Variants in PEBP4 observed in about 807,000 individuals in gnomAD.
PEBP4 encodes phosphatidylethanolamine binding protein 4.
Under a neutral mutation model 23.9 loss-of-function variants are expected in PEBP4, and 22 were observed. The observed-to-expected ratio is 0.92, with a 90% CI of 0.66 to 1.31. PEBP4 has a LOEUF of 1.31. Ranked by LOEUF, PEBP4 falls within the 40% of genes most tolerant of loss-of-function variation. PEBP4 has a pLI of 0.00. For synonymous variants in PEBP4, 112 were observed against 99.3 expected, an observed-to-expected ratio of 1.13 and a Z score of -0.76; for missense variants, 324 against 281.7, an observed-to-expected ratio of 1.15 and a Z score of -1.07.
chr8:22,895,043 C>T (rs1808563992), intron 3 of PEBP4, among the ~76,000 whole-genome samples: 1 of 152,212 alleles, frequency 6.6e-6, no homozygotes, highest in South Asian at 2.1e-4. Flanking sequence ...TAGACTTTCA[C>T]ACCAAAGTAG....
chr8:22,737,315 A>T (rs1425659285), intron 4 of PEBP4, among the ~76,000 whole-genome samples: 2 of 148,130 alleles, frequency 1.4e-5, no homozygotes, highest in Non-Finnish European at 1.5e-5. Flanking sequence ...AAAAAAAAAA[A>T]GCAAATAAAA....
intron 4 of PEBP4, among the ~76,000 whole-genome samples, chr8:22,780,308 T>G (rs1023696534): frequency 1.3e-5 from 2 of 152,168 alleles, no homozygotes; most frequent in African/African-American, 4.8e-5. Context: ...ATACATTCCT[T>G]TCTCACCCAG....
intron 3 of PEBP4, among the ~76,000 whole-genome samples, chr8:22,900,781 C>A (rs1808696150): frequency 1.3e-5 from 2 of 152,148 alleles, no homozygotes; most frequent in African/African-American, 4.8e-5. Flanking sequence ...TTCCTGGCCC[C>A]ACCTGTGAAA....
At chr8:22,815,777 G>A (rs1806728184) in intron 4 of PEBP4, among the ~76,000 whole-genome samples, 1 of 152,230 alleles carries the variant, frequency 6.6e-6, no homozygotes, top group Admixed American at 6.5e-5. Context: ...GGGCTGCTGA[G>A]GCTAAATTCA....
chr8:22,829,292 C>T (rs1001078673), intron 3 of PEBP4, among the ~76,000 whole-genome samples: 1 of 152,146 alleles, frequency 6.6e-6, no homozygotes, highest in African/African-American at 2.4e-5. Context: ...ATATTTTTGG[C>T]TACCAGCTTC....
intron 3 of PEBP4, among the ~76,000 whole-genome samples, chr8:22,855,050 C>A (rs1807616890): frequency 7.0e-6 from 1 of 141,944 alleles, no homozygotes; most frequent in Non-Finnish European, 1.5e-5. Context: ...ACACATGCAC[C>A]CCAGGAAAGA....
At chr8:22,890,256 C>T (rs905459619) in intron 3 of PEBP4, among the ~76,000 whole-genome samples, 1 of 152,220 alleles carries the variant, frequency 6.6e-6, no homozygotes, top group Admixed American at 6.5e-5. Context: ...GAGTCTGAGA[C>T]TTTCACTAAG....
At chr8:22,822,272 T>C (rs528045454) in intron 3 of PEBP4, among the ~76,000 whole-genome samples, 1 of 151,784 alleles carries the variant, frequency 6.6e-6, no homozygotes, top group East Asian at 1.9e-4. Context: ...TTAAATCAGA[T>C]AATGAGAAGA....
chr8:22,736,114 C>T (rs905084019), intron 4 of PEBP4, among the ~76,000 whole-genome samples: 3 of 152,050 alleles, frequency 2.0e-5, no homozygotes, highest in East Asian at 1.9e-4. Flanking sequence ...TCCTGCTTGG[C>T]GAAACTTGCC....
chr8:22,835,777 A>G (rs1244805239), intron 3 of PEBP4, among the ~76,000 whole-genome samples: 1 of 152,210 alleles, frequency 6.6e-6, no homozygotes, highest in African/African-American at 2.4e-5. Context: ...TGTCTCCAAG[A>G]ATGACATTAG....
chr8:22,768,253 CT>C (rs1805648802), intron 4 of PEBP4, among the ~76,000 whole-genome samples: 2 of 152,172 alleles, frequency 1.3e-5, no homozygotes, highest in South Asian at 4.1e-4. Flanking sequence ...CCTCTGCCCC[CT>C]GGTAGATGCC....
At chr8:22,786,205 T>TACA in intron 4 of PEBP4, among the ~76,000 whole-genome samples, 1 of 152,168 alleles carries the variant, frequency 6.6e-6, no homozygotes, top group Non-Finnish European at 1.5e-5. Flanking sequence ...CTCTAATACA[T>TACA]TATGTATTCT....
intron 4 of PEBP4, chr8:22,798,490 T>C (rs1355293951): frequency 6.5e-6 from 1 of 153,436 alleles, no homozygotes; most frequent in African/African-American, 2.4e-5. Flanking sequence ...AAGCCAGTCC[T>C]AAGTTGTTCA....
At chr8:22,787,972 A>G (rs1344473659) in intron 4 of PEBP4, among the ~76,000 whole-genome samples, 1 of 152,056 alleles carries the variant, frequency 6.6e-6, no homozygotes, top group African/African-American at 2.4e-5. Context: ...GGGCCTACAG[A>G]GCGTGCAGGG....
At chr8:22,854,294 G>A (rs4284045) in intron 3 of PEBP4, among the ~76,000 whole-genome samples, 2 of 152,156 alleles carry the variant, frequency 1.3e-5, no homozygotes, top group African/African-American at 4.8e-5. Context: ...CCCTACATCT[G>A]CCAGGACAAA....
intron 3 of PEBP4, chr8:22,884,241 C>T (rs760248316): frequency 7.9e-5 from 12 of 152,124 alleles, no homozygotes; most frequent in South Asian, 2.1e-4. Context: ...GGTTCTACCA[C>T]CTAGTTAGAA....
intron 3 of PEBP4, among the ~76,000 whole-genome samples, chr8:22,912,560 T>C (rs1808961725): frequency 6.6e-6 from 1 of 152,234 alleles, no homozygotes. Flanking sequence ...TTCCCAGGTT[T>C]GGCAAGTGTG....
chr8:22,834,495 C>T (rs1045304170), intron 3 of PEBP4, among the ~76,000 whole-genome samples: 1 of 152,228 alleles, frequency 6.6e-6, no homozygotes, highest in Non-Finnish European at 1.5e-5. Flanking sequence ...CTGGGGTTCA[C>T]AGCATGCTCT....
chr8:22,762,138 A>G (rs938168778), intron 4 of PEBP4, among the ~76,000 whole-genome samples: 4 of 152,162 alleles, frequency 2.6e-5, no homozygotes, highest in African/African-American at 9.7e-5. Context: ...GGGTGAAACA[A>G]TATACCCTTC....
Sources: gnomAD v4.1 joint callset for allele counts (sites outside exome capture counted in the v4.1 genomes callset) on GRCh38, gnomAD v4.1.1 for gene constraint, MANE v1.5 for transcripts, NCBI Gene and HGNC (gene_info 2026-07-23, HGNC 2026-07-21) for gene names.